SOS1: variants seen among roughly 807,000 people sequenced by gnomAD.
The protein encoded by SOS1 is son of sevenless homolog 1.
Under a neutral mutation model 157.6 loss-of-function variants are expected in SOS1, and 25 were observed. The observed-to-expected ratio is 0.16, with a 90% CI of 0.12 to 0.22. SOS1 has a LOEUF of 0.22. Among genes scored for constraint, SOS1 ranks in the 10% least tolerant of loss-of-function variants. The pLI, the probability that SOS1 is intolerant of heterozygous loss-of-function variation, is 1.00. For synonymous variants in SOS1, 528 were observed against 534.0 expected (o/e 0.99, Z 0.16); for missense variants, 1,237 against 1,599.1 (o/e 0.77, Z 3.86).
In SOS1 at chr2:39,043,258, A is replaced by T. The variant is rs144938476; in HGVS notation, c.865-7758T>A. Among the ~76,000 whole-genome samples the T allele has an allele frequency of 7.5e-3, 1,144 of 152,324 alleles. 7 individuals are homozygous for T. Among genetic ancestry groups the T allele is most frequent in the Middle Eastern group, 0.014 (4 of 292 alleles). On this transcript the variant is annotated intron_variant, in intron 6 of 22. Coordinates refer to ENST00000402219, the MANE Select transcript of SOS1 (RefSeq NM_005633.4). ...TTGAGATTTTAACCTACTAAAGTAG[A>T]ATACTACATTAAAACTTTAAAATGT...
intron 1 of SOS1, among the ~76,000 whole-genome samples, chr2:39,119,605 G>T (rs563613155): frequency 1.3e-5 from 2 of 152,294 alleles, no homozygotes; most frequent in African/African-American, 4.8e-5. Flanking sequence ...CTTTAAAAAC[G>T]TAAGAACACT....
chr2:39,037,085 T>C (rs1670382445), intron 6 of SOS1, among the ~76,000 whole-genome samples: 1 of 152,270 alleles, frequency 6.6e-6, no homozygotes, highest in Admixed American at 6.5e-5. Context: ...CAAGTCATAC[T>C]GGATTCCTTG....
intron 17 of SOS1, among the ~76,000 whole-genome samples, chr2:38,998,987 T>C (rs1346040290): frequency 3.9e-5 from 6 of 152,200 alleles, no homozygotes; most frequent in Non-Finnish European, 5.9e-5. Context: ...TATAATTTGC[T>C]AAGCGCTACA....
intron 20 of SOS1, among the ~76,000 whole-genome samples, chr2:38,990,196 A>G (rs1473125644): frequency 6.6e-6 from 1 of 151,548 alleles, no homozygotes. Flanking sequence ...ACAATAGGCA[A>G]TCCCTCACAT....
At chr2:39,098,706 G>C (rs553477535) in intron 1 of SOS1, among the ~76,000 whole-genome samples, 1 of 152,096 alleles carries the variant, frequency 6.6e-6, no homozygotes, top group South Asian at 2.1e-4. Context: ...TGTCTAATAC[G>C]GTGAAACCCC....
chr2:39,056,891 T>C, intron 3 of SOS1, 25 bp from the exon 4 acceptor site: 3 of 1,514,996 alleles, frequency 2.0e-6, no homozygotes, highest in Non-Finnish European at 2.7e-6. Flanking sequence ...GAAAAGCATG[T>C]TTAAACATCA....
chr2:39,121,101 C>G (rs566565146), upstream of SOS1: 15 of 153,816 alleles, frequency 9.8e-5, no homozygotes, highest in African/African-American at 2.9e-4. Flanking sequence ...TTCCGGCTCC[C>G]GGTGAAGGAG....
intron 1 of SOS1, among the ~76,000 whole-genome samples, chr2:39,069,479 T>C (rs1321805624): frequency 1.3e-5 from 2 of 152,146 alleles, no homozygotes; most frequent in Non-Finnish European, 2.9e-5. Flanking sequence ...TAAAGGCAAA[T>C]AGCATTGTAA....
At position 39,013,490 on chromosome 2, in the gene SOS1, G is replaced by T. The variant is rs1572822400; in HGVS notation, c.2137C>A (p.Arg713=). 1 of 1,610,262 alleles carries T rather than the reference G, an allele frequency of 6.2e-7. No homozygotes were observed. Among genetic ancestry groups the T allele is most frequent in the Admixed American group, 1.7e-5 (1 of 59,838 alleles). The part of the protein sequence containing the change: ...DFERDAYLLQ[R]MEEFIGTVRG... ...ACTGTTCCAATAAATTCTTCCATTC[G>T]TTGCAAAAGATATGCATCTCTTTCA... The change falls in exon 13 of 23, where the codon CGA becomes AGA. Residue 713 remains arginine (R), a synonymous_variant. Transcript: ENST00000402219.
At chr2:39,011,892 T>A (rs1047755445) in intron 14 of SOS1, among the ~76,000 whole-genome samples, 29 of 152,096 alleles carry the variant, frequency 1.9e-4, no homozygotes, top group Non-Finnish European at 4.1e-4. Flanking sequence ...AAGCCAGGAT[T>A]TGAACCTAGC....
rs540945334 is a variant in SOS1, at chr2:39,068,228, T to TG, written c.88-476dup. ...TTCTCAACCCTTTTTCCCAGCCACA[T>TG]GCTTATATGTTCCTGGAGATCCAGT... On this transcript the variant is annotated intron_variant, in intron 1 of 22. Transcript: ENST00000402219. Among the ~76,000 whole-genome samples the TG allele has an allele frequency of 3.0e-3, 454 of 152,352 alleles. 2 individuals are homozygous for TG. Among genetic ancestry groups the TG allele is most frequent in the Non-Finnish European group, 3.7e-3 (255 of 68,018 alleles).
chr2:39,098,089 A>G (rs1672838615), intron 1 of SOS1: 1 of 152,606 alleles, frequency 6.6e-6, no homozygotes, highest in African/African-American at 2.4e-5. Context: ...TACATGATAG[A>G]AGATTTCAGA....
At chr2:39,027,904 C>T (rs1234947765) in intron 8 of SOS1, among the ~76,000 whole-genome samples, 7 of 151,306 alleles carry the variant, frequency 4.6e-5, no homozygotes, top group African/African-American at 1.7e-4. Flanking sequence ...TCTTAGCTCA[C>T]TGCAACCTCC....
At position 39,022,897 on chromosome 2, in the gene SOS1, T is replaced by G. The variant is rs1669843466; in HGVS notation, c.1531A>C (p.Lys511Gln). 3.7e-6 allele frequency: 6 copies of G among 1,611,464 alleles called. No homozygotes were observed. Among genetic ancestry groups the G allele is most frequent in the Non-Finnish European group, 5.1e-6 (6 of 1,177,874 alleles). The change falls in exon 10 of 23, where the codon AAG becomes CAG. Residue 511 changes from lysine to glutamine, a missense_variant. By Grantham distance (53) the Lys-to-Gln change is moderately conservative. Around this residue, in one of 15 missense-constraint regions of SOS1, gnomAD observed 210 missense variants for 220.2 expected, o/e 0.95. Transcript: ENST00000402219. ...INDKDDTNEY[K>Q]HAFEIILKDE... The stretch of plus-strand genomic sequence containing the variant: ...TTTAAAATTATTTCAAAAGCATGCT[T>G]GTATTCATTGGTGTCATCTTTATCA...
At position 39,013,952 on chromosome 2, in the gene SOS1, G is replaced by C; in HGVS notation, c.1978C>G (p.Arg660Gly). Residue 660 changes from arginine (R) to glycine (G), a missense_variant, in exon 12 of 23, where the codon CGC becomes GGC. This residue lies in a region of SOS1 where 55 missense variants were observed against 43.1 expected (regional missense o/e 1.27). Transcript: ENST00000402219. ...IPEPEPTEAD[R>G]IAIENGDQPL... ...TGATCTCCATTCTCTATAGCTATGC[G>C]ATCAGCTTCTGTTGGCTCAGGCTCT... 6.2e-7 allele frequency: 1 copy of C among 1,605,224 alleles called. No individual in the cohort carries two copies. Among genetic ancestry groups the C allele is most frequent in the Non-Finnish European group, 8.5e-7 (1 of 1,172,786 alleles).
chr2:39,067,541 A>T, intron 2 of SOS1, 87 bp downstream of exon 2: 1 of 1,192,326 alleles, frequency 8.4e-7, no homozygotes, highest in Non-Finnish European at 1.3e-6. Flanking sequence ...ATATATATAG[A>T]GAGAGCAAAT....
chr2:39,077,340 A>T (rs551419180), intron 1 of SOS1, among the ~76,000 whole-genome samples: 11 of 152,098 alleles, frequency 7.2e-5, no homozygotes, highest in Non-Finnish European at 1.6e-4. Context: ...AAAAAGAAAG[A>T]AAATCCTTTA....
chr2:39,120,086 TTCACCTC>T (rs1305357755), intron 1 of SOS1, among the ~76,000 whole-genome samples: 2 of 152,166 alleles, frequency 1.3e-5, no homozygotes, highest in African/African-American at 2.4e-5. Context: ...GGGCAAAGCA[TTCACCTC>T]TCAGGGGTTG....
intron 6 of SOS1, among the ~76,000 whole-genome samples, chr2:39,042,248 C>A (rs937073104): frequency 2.0e-5 from 3 of 152,074 alleles, no homozygotes; most frequent in Non-Finnish European, 4.4e-5. Flanking sequence ...CTCATTCTTA[C>A]CATGTGAATT....
Sources: allele counts gnomAD v4.1 joint callset (sites outside exome capture counted in the v4.1 genomes callset), GRCh38; gene constraint gnomAD v4.1.1; regional missense constraint gnomAD v4.1.1; transcripts MANE v1.5; gene names NCBI Gene and HGNC (gene_info 2026-07-23, HGNC 2026-07-21).